The following POU2F1 variants were observed in gnomAD, a reference collection of about 807,000 sequenced individuals.
The protein encoded by POU2F1 is POU domain, class 2, transcription factor 1.
POU2F1 carries 16 observed loss-of-function variants against 84.9 expected under a neutral mutation model. The ratio of observed to expected loss-of-function variants is 0.19; its 90% CI spans 0.13 to 0.29. POU2F1 has a LOEUF of 0.29. Ranked by LOEUF, POU2F1 falls within the 10% of genes least tolerant of loss-of-function variation. The pLI is 1.00. For synonymous variants in POU2F1, 368 were observed against 368.3 expected, an observed-to-expected ratio of 1.00 and a Z score of 0.01; for missense variants, 738 against 942.6, an observed-to-expected ratio of 0.78 and a Z score of 2.84.
intron 1 of POU2F1, among the ~76,000 whole-genome samples, chr1:167,228,591 G>T (rs1377455501): frequency 6.6e-6 from 1 of 152,154 alleles, no homozygotes; most frequent in Admixed American, 6.5e-5. Context: ...AATTGACTTA[G>T]TTTCCTTTTC....
Position 167,396,419 on chromosome 1 carries a change from A to C in POU2F1, c.1121A>C (p.Asn374Thr). 2 of 1,613,884 alleles carry C rather than the reference A, an allele frequency of 1.2e-6. No individual in the cohort carries two copies. The highest frequency in any genetic ancestry group is 1.7e-6 in the Non-Finnish European group (2 of 1,179,822). The change falls in exon 10 of 16, where the codon AAT becomes ACT. Residue 374 changes from asparagine to threonine, a missense_variant. Around this residue, in one of 4 missense-constraint regions of POU2F1, gnomAD observed 95 missense variants for 195.1 expected, o/e 0.49. Transcript: ENST00000367866. ...KLKPLLEKWL[N>T]DAENLSSDSS... ...AAGCCACTTTTAGAGAAGTGGCTAA[A>C]TGATGCAGGTAAGTGACTGTATAAG...
intron 1 of POU2F1, among the ~76,000 whole-genome samples, chr1:167,327,388 C>T (rs568049151): frequency 1.3e-5 from 2 of 152,218 alleles, no homozygotes; most frequent in East Asian, 1.9e-4. Context: ...TTAAGTTTCT[C>T]CCCCAAAGTC....
At chr1:167,336,415 T>G (rs1329670100) in intron 2 of POU2F1, among the ~76,000 whole-genome samples, 2 of 152,218 alleles carry the variant, frequency 1.3e-5, no homozygotes, top group African/African-American at 2.4e-5. Flanking sequence ...CTCTATGTCC[T>G]TGAGTATTTT....
At position 167,415,824 on chromosome 1, in the gene POU2F1, G is replaced by A; in HGVS notation, c.*14G>A. On this transcript the variant is annotated 3_prime_UTR_variant, in exon 16 of 16. Coordinates refer to ENST00000367866, the MANE Select transcript of POU2F1 (RefSeq NM_002697.4). ...AAGGCACAGTGAGCTGGGCAGAGCT[G>A]GGCTGCCAGAAGCCTTTTTCACTCT... 1 of 1,604,784 alleles carries A rather than the reference G, an allele frequency of 6.2e-7. No individual in the cohort carries two copies.
intron 1 of POU2F1, among the ~76,000 whole-genome samples, chr1:167,324,448 G>A (rs537729559): frequency 6.7e-6 from 1 of 149,486 alleles, no homozygotes; most frequent in South Asian, 2.1e-4. Context: ...AAACTCAAAA[G>A]GCTTTGGCCC....
chr1:167,349,985 T>A (rs570774065), intron 2 of POU2F1, among the ~76,000 whole-genome samples: 1 of 152,298 alleles, frequency 6.6e-6, no homozygotes, highest in East Asian at 1.9e-4. Context: ...TGGCTAAGAT[T>A]TAAGAAAACA....
Position 167,241,518 on chromosome 1 carries a change from A to G in POU2F1, c.61+20560A>G, listed in dbSNP as rs558366700. On this transcript the variant is annotated intron_variant, in intron 1 of 15. Coordinates refer to ENST00000367866, the MANE Select transcript of POU2F1 (RefSeq NM_002697.4). ...TTCAGTGGATAAAGAAGTTGACAGC[A>G]CGATTTGTTGGATGTGATGAAGGAT... is the stretch of plus-strand genomic sequence containing the variant. The G allele has an allele frequency of 2.0e-5, 3 of 152,348 alleles. No individual in the cohort carries two copies. In the South Asian group the frequency reaches 6.2e-4, roughly 32 times the overall value. 9.4% of individuals were successfully genotyped at this position (152,348 alleles called of 1,614,324 possible). A position where few individuals can be genotyped will look rare whatever the true frequency, so the allele number is the denominator to read the frequency against.
intron 1 of POU2F1, among the ~76,000 whole-genome samples, chr1:167,237,151 T>C (rs914788001): frequency 3.9e-5 from 6 of 152,110 alleles, no homozygotes; most frequent in African/African-American, 1.4e-4. Context: ...TGAACTAGGG[T>C]TAACATACAG....
At chr1:167,237,295 A>G (rs1316676426) in intron 1 of POU2F1, among the ~76,000 whole-genome samples, 3 of 152,148 alleles carry the variant, frequency 2.0e-5, no homozygotes, top group Non-Finnish European at 2.9e-5. Flanking sequence ...CTGCTGGGTT[A>G]TTTAGAATGT....
chr1:167,241,267 G>A (rs1275770815), intron 1 of POU2F1: 1 of 152,154 alleles, frequency 6.6e-6, no homozygotes, highest in African/African-American at 2.4e-5. Context: ...GCAGAATGAT[G>A]TCTTCTGTCA....
chr1:167,298,626 C>G (rs1571251972), intron 1 of POU2F1, among the ~76,000 whole-genome samples: 1 of 152,096 alleles, frequency 6.6e-6, no homozygotes, highest in East Asian at 1.9e-4. Context: ...TGTGGCTGGT[C>G]TTCAGATTCA....
In POU2F1 at chr1:167,275,867, A is replaced by G. The variant is rs12239347; in HGVS notation, c.61+54909A>G. ...TTTTCCATTCTGAGGTTTCTGTATA[A>G]GAATATCTTGTGCCCTGGAAATATT... On this transcript the variant is annotated intron_variant, in intron 1 of 15. Transcript: ENST00000367866. Among the ~76,000 whole-genome samples the G allele has an allele frequency of 9.0e-3, 1,369 of 152,328 alleles. 21 individuals carry two copies. The highest frequency in any genetic ancestry group is 0.032 in the African/African-American group (1,319 of 41,568).
At chr1:167,351,519 C>CAA (rs34170498) in intron 2 of POU2F1, among the ~76,000 whole-genome samples, 479 of 44,932 alleles carry the variant, frequency 0.011, no homozygotes, top group East Asian at 0.017. Context: ...AGCACCATCT[C>CAA]AAAAAAAAAA....
At chr1:167,316,681 TCA>T (rs1474888709) in intron 1 of POU2F1, among the ~76,000 whole-genome samples, 2 of 152,206 alleles carry the variant, frequency 1.3e-5, no homozygotes, top group Non-Finnish European at 2.9e-5. Flanking sequence ...CCTTGTGGTG[TCA>T]CACAGATTCT....
At chr1:167,242,025 A>G (rs1649944482) in intron 1 of POU2F1, among the ~76,000 whole-genome samples, 1 of 152,208 alleles carries the variant, frequency 6.6e-6, no homozygotes, top group Admixed American at 6.5e-5. Context: ...GTTAAGGAAG[A>G]TATTTATGGT....
chr1:167,292,869 G>A (rs1654021621), intron 1 of POU2F1, among the ~76,000 whole-genome samples: 3 of 152,030 alleles, frequency 2.0e-5, no homozygotes, highest in Non-Finnish European at 4.4e-5. Flanking sequence ...GTCAATAAAT[G>A]TGATACATCA....
intron 2 of POU2F1, among the ~76,000 whole-genome samples, chr1:167,342,633 C>G (rs991737006): frequency 1.3e-5 from 2 of 152,070 alleles, no homozygotes; most frequent in Non-Finnish European, 1.5e-5. Context: ...AGATAAAATA[C>G]CAGTGTTTTC....
At chr1:167,299,861 C>T (rs1001696821) in intron 1 of POU2F1, among the ~76,000 whole-genome samples, 2 of 152,086 alleles carry the variant, frequency 1.3e-5, no homozygotes, top group Non-Finnish European at 2.9e-5. Context: ...TGTTGGGCCC[C>T]CACCTCCAGA....
At position 167,426,695 on chromosome 1, in the gene POU2F1, C is replaced by G. The variant is rs1381567142; in HGVS notation, c.*10885C>G. 1.3e-5 allele frequency: 2 copies of G among 152,154 alleles called. No homozygotes were observed. The highest frequency in any genetic ancestry group is 6.5e-5 in the Admixed American group (1 of 15,270). 9.4% of individuals were successfully genotyped at this position (152,154 alleles called of 1,614,324 possible). On this transcript the variant is annotated 3_prime_UTR_variant, in exon 16 of 16. Coordinates refer to ENST00000367866, the MANE Select transcript of POU2F1 (RefSeq NM_002697.4). ...CACAAGGGGAATTGGCCCCCGGCCT[C>G]CTAGAACTTTTTGTTTTATGTACTT...
Sources: allele counts gnomAD v4.1 joint callset (sites outside exome capture counted in the v4.1 genomes callset), GRCh38; gene constraint gnomAD v4.1.1; regional missense constraint gnomAD v4.1.1; transcripts MANE v1.5; gene names NCBI Gene and HGNC (gene_info 2026-07-23, HGNC 2026-07-21).